Variants in FABP6 observed in about 807,000 individuals in gnomAD.
The protein encoded by FABP6 is fatty acid binding protein 6, also known as gastrotropin.
In FABP6, 13 loss-of-function variants were observed where a neutral mutation model predicts 14.9. The ratio of observed to expected loss-of-function variants is 0.87; its 90% CI spans 0.57 to 1.39. The LOEUF (loss-of-function observed/expected upper bound fraction) is 1.39, where lower values mean the gene tolerates loss of function less well. FABP6 is among the 40% of genes most tolerant of loss of function. FABP6 has a pLI of 0.00. For synonymous variants in FABP6, 75 were observed against 63.6 expected, an observed-to-expected ratio of 1.18 and a Z score of -0.85; for missense variants, 161 against 167.2, an observed-to-expected ratio of 0.96 and a Z score of 0.20.
chr5:160,232,377 T>C (rs1003881049), intron 2 of FABP6, 104 bp downstream of exon 2: 117 of 1,268,886 alleles, frequency 9.2e-5, no homozygotes, highest in Non-Finnish European at 1.2e-4. Flanking sequence ...TTTCTCCAGT[T>C]TGGCCTCCAG....
At chr5:160,202,557 G>A (rs994120492) in intron 2 of FABP6, among the ~76,000 whole-genome samples, 12 of 152,192 alleles carry the variant, frequency 7.9e-5, no homozygotes, top group African/African-American at 2.4e-4. Context: ...AGCACTTTGG[G>A]AGGACAAGGC....
chr5:160,237,959 A>G (rs1159445328), intron 3 of FABP6, among the ~76,000 whole-genome samples: 1 of 152,058 alleles, frequency 6.6e-6, no homozygotes, highest in Non-Finnish European at 1.5e-5. Flanking sequence ...GCTCTCCCAC[A>G]GCTCTCTGTT....
chr5:160,200,072 GA>G (rs1409586215), intron 2 of FABP6, among the ~76,000 whole-genome samples: 1 of 152,220 alleles, frequency 6.6e-6, no homozygotes, highest in African/African-American at 2.4e-5. Flanking sequence ...CTCCAGCAGT[GA>G]AACTAGTGTG....
intron 2 of FABP6, among the ~76,000 whole-genome samples, chr5:160,233,330 C>T (rs1760434037): frequency 6.6e-6 from 1 of 151,928 alleles, no homozygotes; most frequent in South Asian, 2.1e-4. Flanking sequence ...GATAAAGACA[C>T]TGGGCCCTGG....
At chr5:160,188,922 A>C (rs1335878237) in intron 1 of FABP6, among the ~76,000 whole-genome samples, 1 of 152,038 alleles carries the variant, frequency 6.6e-6, no homozygotes, top group Non-Finnish European at 1.5e-5. Context: ...GCCTTGAGAG[A>C]AAATGTTGCC....
chr5:160,187,398 TAGA>T (rs1328650207), exon 1 of FABP6: 1 of 152,410 alleles, frequency 6.6e-6, no homozygotes, highest in African/African-American at 2.4e-5. Context: ...TTGAAGGGAC[TAGA>T]AGGAGGACAC....
intron 2 of FABP6, among the ~76,000 whole-genome samples, chr5:160,207,723 CTTTTTT>C (rs139123590): frequency 2.4e-5 from 3 of 124,332 alleles, no homozygotes; most frequent in Non-Finnish European, 5.2e-5. Context: ...TCTTTACCTC[CTTTTTT>C]TTTTTTTTTT....
chr5:160,199,503 C>T (rs1009520114), intron 2 of FABP6, among the ~76,000 whole-genome samples: 5 of 152,100 alleles, frequency 3.3e-5, no homozygotes, highest in African/African-American at 1.2e-4. Flanking sequence ...CGTGCCGTGC[C>T]AAGCCGGCCA....
intron 2 of FABP6, among the ~76,000 whole-genome samples, chr5:160,212,264 C>T (rs570210434): frequency 3.8e-4 from 58 of 152,230 alleles, no homozygotes; most frequent in Non-Finnish European, 6.3e-4. Flanking sequence ...AAGCGATTCT[C>T]CTGCCTCAGC....
At chr5:160,232,327 C>T (rs1215022501) in intron 2 of FABP6, 54 bp downstream of exon 2, 28 of 1,504,308 alleles carry the variant, frequency 1.9e-5, no homozygotes, top group Non-Finnish European at 2.5e-5. Context: ...CTGACTTCTC[C>T]TTCTCAAACA....
chr5:160,194,650 T>A (rs1759474855), intron 1 of FABP6, among the ~76,000 whole-genome samples: 1 of 152,140 alleles, frequency 6.6e-6, no homozygotes, highest in Non-Finnish European at 1.5e-5. Flanking sequence ...AACACCCCTA[T>A]CCACCGCACT....
intron 3 of FABP6, among the ~76,000 whole-genome samples, chr5:160,236,733 A>G (rs1760524566): frequency 6.6e-6 from 1 of 151,792 alleles, no homozygotes; most frequent in Non-Finnish European, 1.5e-5. Context: ...GCACTTTGGG[A>G]GGCTGAGGCA....
At chr5:160,227,818 A>ATATG (rs776387001), upstream of FABP6, among the ~76,000 whole-genome samples, 1 of 130,780 alleles carries the variant, frequency 7.6e-6, no homozygotes, top group African/African-American at 2.9e-5. Flanking sequence ...AAAATCCATG[A>ATATG]CGTGTGTGTG....
intron 2 of FABP6, among the ~76,000 whole-genome samples, chr5:160,209,768 C>G (rs1330558036): frequency 6.6e-6 from 1 of 151,964 alleles, no homozygotes; most frequent in Non-Finnish European, 1.5e-5. Context: ...CTAGGCTGGT[C>G]TTAAACTCCT....
intron 3 of FABP6, among the ~76,000 whole-genome samples, chr5:160,222,001 C>A (rs1301278345): frequency 6.6e-6 from 1 of 151,648 alleles, no homozygotes; most frequent in Non-Finnish European, 1.5e-5. Flanking sequence ...AATGAGTATG[C>A]ATTAATTTTA....
intron 2 of FABP6, among the ~76,000 whole-genome samples, chr5:160,206,756 G>T (rs1759776895): frequency 6.6e-6 from 1 of 152,136 alleles, no homozygotes; most frequent in Non-Finnish European, 1.5e-5. Context: ...ACTGAAGAAA[G>T]TTCAGGAAAT....
Position 160,205,844 on chromosome 5 carries a change from T to TTA in FABP6, c.51+6687_51+6688insTA, listed in dbSNP as rs1169019096. ...GGAGAAGTGGAAATGACCCAGGGCC[T>TTA]CTAATGCCGTTACTGATCCACACAA... On this transcript the variant is annotated intron_variant, in intron 2 of 6. Coordinates refer to the FABP6 transcript ENST00000393980. Among the ~76,000 whole-genome samples, 5 of 152,184 alleles carry TTA rather than the reference T, an allele frequency of 3.3e-5. No homozygotes were observed. The East Asian group carries it at 7.7e-4, about 23-fold the overall frequency.
At chr5:160,221,153 T>C (rs1760121244) in intron 3 of FABP6, among the ~76,000 whole-genome samples, 2 of 149,642 alleles carry the variant, frequency 1.3e-5, no homozygotes, top group South Asian at 2.1e-4. Flanking sequence ...CAGAACCCAG[T>C]GAACTAGAGA....
intron 3 of FABP6, among the ~76,000 whole-genome samples, chr5:160,215,379 G>T (rs1191130328): frequency 6.6e-6 from 1 of 152,156 alleles, no homozygotes; most frequent in African/African-American, 2.4e-5. Context: ...CGGGTGTGTT[G>T]GCAGGTGCCT....
Sources: gnomAD v4.1 joint callset for allele counts (sites outside exome capture counted in the v4.1 genomes callset) on GRCh38, gnomAD v4.1.1 for gene constraint, MANE v1.5 for transcripts, NCBI Gene and HGNC (gene_info 2026-07-23, HGNC 2026-07-21) for gene names.